The following PDE4D variants were observed in gnomAD, a reference collection of about 807,000 sequenced individuals.
PDE4D encodes the protein phosphodiesterase 4D, also known as 3',5'-cyclic-AMP phosphodiesterase 4D.
In PDE4D, 24 loss-of-function variants were observed where a neutral mutation model predicts 87.4. The observed-to-expected ratio is 0.27, with a 90% confidence interval of 0.20 to 0.39. The LOEUF is 0.39. PDE4D is among the 10% of genes least tolerant of loss of function. The probability of loss-of-function intolerance (pLI) is 1.00; values close to 1 mark genes in which losing one functional copy is unlikely to be tolerated. For synonymous variants in PDE4D, 384 were observed against 383.2 expected (o/e 1.00, Z -0.02); for missense variants, 714 against 1,041.0 (o/e 0.69, Z 4.32).
chr5:59,558,081 T>G (rs573704246), intron 1 of PDE4D, among the ~76,000 whole-genome samples: 8 of 152,322 alleles, frequency 5.3e-5, no homozygotes, highest in African/African-American at 1.9e-4. Context: ...TTAGATTTAT[T>G]GCAAACCATG....
chr5:59,534,860 C>A (rs1814865079), intron 1 of PDE4D, among the ~76,000 whole-genome samples: 1 of 152,052 alleles, frequency 6.6e-6, no homozygotes, highest in Non-Finnish European at 1.5e-5. Context: ...CAGGCCAAAG[C>A]AGTAGTGGTG....
At chr5:60,049,771 C>G (rs1460163559) in intron 2 of PDE4D, among the ~76,000 whole-genome samples, 1 of 152,220 alleles carries the variant, frequency 6.6e-6, no homozygotes, top group Non-Finnish European at 1.5e-5. Context: ...CTCTTCAAAG[C>G]TGTCAGACAA....
chr5:59,758,862 A>G (rs188500227), intron 1 of PDE4D, among the ~76,000 whole-genome samples: 2 of 152,230 alleles, frequency 1.3e-5, no homozygotes, highest in African/African-American at 4.8e-5. Flanking sequence ...CACTTTGTAA[A>G]TTTAATTAGT....
chr5:60,238,403 C>G (rs1344964959), intron 1 of PDE4D, among the ~76,000 whole-genome samples: 1 of 151,842 alleles, frequency 6.6e-6, no homozygotes, highest in Non-Finnish European at 1.5e-5. Context: ...CAAACACATC[C>G]AATCATGTTT....
rs182542000 is a variant in PDE4D at position 59,187,340 on chromosome 5, C to T, written c.685-2078G>A. Among the ~76,000 whole-genome samples the T allele has an allele frequency of 5.2e-4, 79 of 152,040 alleles. 2 individuals carry two copies. The highest frequency in any genetic ancestry group is 1.7e-3 in the African/African-American group (72 of 41,484). On this transcript the variant is annotated intron_variant, in intron 3 of 14. Coordinates refer to ENST00000340635, the MANE Select transcript of PDE4D (RefSeq NM_001104631.2). ...TTTGTATAATTTATATCTTCACATG[C>T]TTCAGAATTTAAACAAAAGAGTATA... is the stretch of plus-strand genomic sequence containing the variant.
At chr5:60,394,221 A>C (rs932243372) in intron 1 of PDE4D, among the ~76,000 whole-genome samples, 1 of 152,218 alleles carries the variant, frequency 6.6e-6, no homozygotes, top group Non-Finnish European at 1.5e-5. Context: ...AACACATACA[A>C]AGAATTTTTT....
chr5:60,402,707 T>G (rs2150049488), intron 1 of PDE4D, among the ~76,000 whole-genome samples: 1 of 152,350 alleles, frequency 6.6e-6, no homozygotes, highest in Non-Finnish European at 1.5e-5. Flanking sequence ...TCATTCCAGG[T>G]GATCTTATGT....
chr5:59,875,855 A>G (rs894064603), intron 1 of PDE4D, among the ~76,000 whole-genome samples: 3 of 152,216 alleles, frequency 2.0e-5, no homozygotes, highest in Non-Finnish European at 4.4e-5. Context: ...AAATTAATAC[A>G]GAAACAGAAA....
intron 1 of PDE4D, among the ~76,000 whole-genome samples, chr5:60,258,817 G>A (rs1346664514): frequency 6.6e-6 from 1 of 151,672 alleles, no homozygotes; most frequent in Non-Finnish European, 1.5e-5. Flanking sequence ...ATATACAAAA[G>A]AGCAAATATA....
intron 1 of PDE4D, among the ~76,000 whole-genome samples, chr5:59,675,751 G>A (rs963780505): frequency 2.0e-5 from 3 of 152,064 alleles, no homozygotes; most frequent in African/African-American, 4.8e-5. Flanking sequence ...GTGCAGTGGC[G>A]CAATCCTGGC....
chr5:59,461,872 T>C (rs1251461403), intron 1 of PDE4D, among the ~76,000 whole-genome samples: 2 of 152,168 alleles, frequency 1.3e-5, no homozygotes, highest in South Asian at 2.1e-4. Context: ...ACTCATGATA[T>C]ATCTGGCCCT....
At chr5:60,421,684 G>A (rs1052373912) in intron 1 of PDE4D, among the ~76,000 whole-genome samples, 4 of 152,204 alleles carry the variant, frequency 2.6e-5, no homozygotes, top group African/African-American at 9.6e-5. Context: ...AAGCTGGACG[G>A]AGAATGACTT....
At chr5:59,582,035 G>C (rs558471241) in intron 1 of PDE4D, among the ~76,000 whole-genome samples, 1 of 152,210 alleles carries the variant, frequency 6.6e-6, no homozygotes, top group Admixed American at 6.5e-5. Context: ...CAAGTAAATT[G>C]TATTTGGCCC....
In PDE4D at chr5:60,057,675, C is replaced by T. The variant is rs374891155; in HGVS notation, c.43-68958G>A. ...ACAATGCCTAGCACTCTGTAAATAT[C>T]GAGATAAATAACTAATTTATGTAAA... On this transcript the variant is annotated intron_variant, in intron 2 of 16. Coordinates refer to the PDE4D transcript ENST00000502484. 3.9e-4 allele frequency among the ~76,000 whole-genome samples: 59 copies of T among 152,014 alleles called. 1 individual carries two copies. The highest frequency in any genetic ancestry group is 3.4e-3 in the Middle Eastern group (1 of 294).
At chr5:59,861,749 G>T (rs1746319566) in intron 1 of PDE4D, among the ~76,000 whole-genome samples, 1 of 152,136 alleles carries the variant, frequency 6.6e-6, no homozygotes, top group Admixed American at 6.5e-5. Context: ...GCAGTTCCTT[G>T]GGGAGGATCA....
chr5:59,466,455 G>C (rs1330196391), intron 1 of PDE4D, among the ~76,000 whole-genome samples: 1 of 152,108 alleles, frequency 6.6e-6, no homozygotes, highest in Non-Finnish European at 1.5e-5. Context: ...TTACACTTTT[G>C]CCCATTTGCA....
At chr5:60,398,781 T>C (rs1165627309) in intron 1 of PDE4D, among the ~76,000 whole-genome samples, 2 of 152,148 alleles carry the variant, frequency 1.3e-5, no homozygotes, top group African/African-American at 2.4e-5. Context: ...TCAATTCCCA[T>C]ACCAACTCTG....
At chr5:59,553,805 A>C (rs1054919236) in intron 1 of PDE4D, among the ~76,000 whole-genome samples, 4 of 152,198 alleles carry the variant, frequency 2.6e-5, no homozygotes, top group Non-Finnish European at 5.9e-5. Context: ...TAATAAATAC[A>C]AGGCAAGGCA....
intron 6 of PDE4D, among the ~76,000 whole-genome samples, chr5:59,017,716 C>T (rs1163063318): frequency 2.6e-5 from 4 of 152,186 alleles, no homozygotes; most frequent in African/African-American, 9.6e-5. Context: ...GCCTAAGAAA[C>T]TTCCTTATCC....
Sources: gnomAD v4.1 joint callset for allele counts (sites outside exome capture counted in the v4.1 genomes callset) on GRCh38, gnomAD v4.1.1 for gene constraint, MANE v1.5 for transcripts, NCBI Gene and HGNC (gene_info 2026-07-23, HGNC 2026-07-21) for gene names.